The following ARHGAP15 variants were observed in gnomAD, a reference collection of about 807,000 sequenced individuals.
ARHGAP15 encodes Rho GTPase activating protein 15, also known as rho GTPase-activating protein 15.
In ARHGAP15, 51 loss-of-function variants were observed where a neutral mutation model predicts 63.7. That is an observed-to-expected ratio of 0.80 (90% confidence interval 0.64 to 1.01). The LOEUF (loss-of-function observed/expected upper bound fraction) is 1.01, where lower values mean the gene tolerates loss of function less well. ARHGAP15 is among the 50% of genes least tolerant of loss of function. The probability of loss-of-function intolerance (pLI) is 0.00; values close to 1 mark genes in which losing one functional copy is unlikely to be tolerated. For missense variants in ARHGAP15, 560 were observed against 564.6 expected, an observed-to-expected ratio of 0.99 and a Z score of 0.08; for synonymous variants, 191 against 193.8, an observed-to-expected ratio of 0.99 and a Z score of 0.12.
chr2:143,226,283 A>G (rs1244558635), intron 4 of ARHGAP15, among the ~76,000 whole-genome samples: 1 of 152,240 alleles, frequency 6.6e-6, no homozygotes. Context: ...TCTATAAATG[A>G]TCAACATCTG....
chr2:143,136,139 T>C (rs1689127715), intron 1 of ARHGAP15, among the ~76,000 whole-genome samples: 1 of 151,248 alleles, frequency 6.6e-6, no homozygotes, highest in African/African-American at 2.4e-5. Flanking sequence ...GACAAGAGTC[T>C]AAGAATTATC....
intron 12 of ARHGAP15, among the ~76,000 whole-genome samples, chr2:143,636,583 A>C (rs1312520551): frequency 6.6e-6 from 1 of 152,140 alleles, no homozygotes; most frequent in African/African-American, 2.4e-5. Context: ...CCAGAGCACA[A>C]CTAGAAAAAC....
intron 6 of ARHGAP15, among the ~76,000 whole-genome samples, chr2:143,304,561 AC>A (rs1385197093): frequency 2.0e-5 from 3 of 152,068 alleles, no homozygotes; most frequent in African/African-American, 7.2e-5. Context: ...TATGGAACAA[AC>A]CTGCATGTTG....
intron 6 of ARHGAP15, among the ~76,000 whole-genome samples, chr2:143,376,910 C>G (rs770192444): frequency 6.6e-6 from 1 of 152,030 alleles, no homozygotes; most frequent in African/African-American, 2.4e-5. Flanking sequence ...TGCACATATA[C>G]TGTGTTTTGT....
At chr2:143,470,797 C>CAT (rs71404474) in intron 8 of ARHGAP15, among the ~76,000 whole-genome samples, 2,646 of 147,526 alleles carry the variant, frequency 0.018, 79 homozygotes, top group African/African-American at 0.062. Flanking sequence ...AACAGGTTGG[C>CAT]ATATATATAT....
intron 13 of ARHGAP15, among the ~76,000 whole-genome samples, chr2:143,758,379 T>C (rs1400375395): frequency 6.6e-6 from 1 of 151,754 alleles, no homozygotes; most frequent in African/African-American, 2.4e-5. Context: ...ATGAAGAAAT[T>C]TGACTAGGAA....
chr2:143,729,681 A>G (rs1366663266), intron 13 of ARHGAP15, among the ~76,000 whole-genome samples: 4 of 152,232 alleles, frequency 2.6e-5, no homozygotes, highest in African/African-American at 4.8e-5. Context: ...CATTCTCAAA[A>G]TGAATTTGAC....
At chr2:143,245,779 G>A (rs1694026198) in intron 5 of ARHGAP15, among the ~76,000 whole-genome samples, 1 of 152,184 alleles carries the variant, frequency 6.6e-6, no homozygotes, top group South Asian at 2.1e-4. Flanking sequence ...AGATAAATAA[G>A]CCTTGGGCAG....
intron 11 of ARHGAP15, among the ~76,000 whole-genome samples, chr2:143,615,093 C>T (rs921484472): frequency 6.6e-6 from 1 of 152,100 alleles, no homozygotes; most frequent in East Asian, 1.9e-4. Context: ...AAGAAAAGTC[C>T]TGTGATGCAG....
chr2:143,453,285 G>A (rs1209287758), intron 8 of ARHGAP15, among the ~76,000 whole-genome samples: 1 of 151,958 alleles, frequency 6.6e-6, no homozygotes. Context: ...TCCGGCTTCT[G>A]GAGTGAGGTT....
chr2:143,422,481 G>A (rs185670409), intron 6 of ARHGAP15, among the ~76,000 whole-genome samples: 1 of 152,244 alleles, frequency 6.6e-6, no homozygotes, highest in Admixed American at 6.5e-5. Flanking sequence ...GGAAGGAAGT[G>A]TGTCTTCTGG....
intron 10 of ARHGAP15, among the ~76,000 whole-genome samples, chr2:143,552,683 A>T (rs899044830): frequency 6.6e-6 from 1 of 152,192 alleles, no homozygotes; most frequent in Non-Finnish European, 1.5e-5. Flanking sequence ...ACGAATAAAC[A>T]ATATTTCAGT....
intron 1 of ARHGAP15, among the ~76,000 whole-genome samples, chr2:143,153,123 T>C (rs1403277336): frequency 6.6e-6 from 1 of 151,884 alleles, no homozygotes; most frequent in Admixed American, 6.6e-5. Flanking sequence ...CTGAAATTTG[T>C]CCAGCTTCTG....
intron 11 of ARHGAP15, among the ~76,000 whole-genome samples, chr2:143,568,904 A>G (rs574158473): frequency 6.6e-6 from 1 of 152,338 alleles, no homozygotes; most frequent in African/African-American, 2.4e-5. Context: ...TGAGCAAACT[A>G]TCACAAGGAC....
chr2:143,159,861 C>A (rs1690222519), intron 2 of ARHGAP15, among the ~76,000 whole-genome samples: 1 of 151,776 alleles, frequency 6.6e-6, no homozygotes. Context: ...TGCTGTGGAT[C>A]GTATGATCTG....
chr2:143,512,800 T>C (rs1273702925), intron 9 of ARHGAP15, among the ~76,000 whole-genome samples: 1 of 152,160 alleles, frequency 6.6e-6, no homozygotes, highest in South Asian at 2.1e-4. Context: ...AGGAGCTGAG[T>C]TGGATCTGTT....
chr2:143,595,062 T>C (rs1283740322), intron 11 of ARHGAP15, among the ~76,000 whole-genome samples: 1 of 152,182 alleles, frequency 6.6e-6, no homozygotes, highest in African/African-American at 2.4e-5. Flanking sequence ...TGAAGAGTGG[T>C]GCTGTCTTTG....
intron 11 of ARHGAP15, chr2:143,608,593 C>T (rs1291819642): frequency 6.6e-6 from 1 of 152,172 alleles, no homozygotes; most frequent in Admixed American, 6.6e-5. Flanking sequence ...TCTATTGTGT[C>T]AGAAAGCAGT....
At chr2:143,210,228 G>A (rs1031390585) in intron 3 of ARHGAP15, among the ~76,000 whole-genome samples, 25 of 151,926 alleles carry the variant, frequency 1.6e-4, no homozygotes, top group Non-Finnish European at 2.6e-4. Context: ...GGGAGGGAGA[G>A]GTGAGCTATA....
Sources: allele counts gnomAD v4.1 joint callset (sites outside exome capture counted in the v4.1 genomes callset), GRCh38; gene constraint gnomAD v4.1.1; transcripts MANE v1.5; gene names NCBI Gene and HGNC (gene_info 2026-07-23, HGNC 2026-07-21).